Variants in UCMA observed in about 807,000 individuals in gnomAD.
UCMA encodes the protein upper zone of growth plate and cartilage matrix-associated protein.
A neutral mutation model predicts 21.8 loss-of-function variants in UCMA; 21 were observed. That is an observed-to-expected ratio of 0.97 (90% CI 0.68 to 1.39). The LOEUF (loss-of-function observed/expected upper bound fraction) is 1.39. Ranked by LOEUF, UCMA falls within the 40% of genes most tolerant of loss-of-function variation. UCMA has a pLI of 0.00. For synonymous variants in UCMA, 76 were observed against 67.9 expected (o/e 1.12, Z -0.58); for missense variants, 193 against 178.9 (o/e 1.08, Z -0.45).
rs1834766247 is a variant in UCMA, at chr10:13,222,160, G to A, written c.360C>T (p.Arg120=). 6.2e-7 allele frequency: 1 copy of A among 1,613,982 alleles called. No homozygotes were observed. Among genetic ancestry groups the A allele is most frequent in the Admixed American group, 1.7e-5 (1 of 59,998 alleles). ...ERSREAVEQW[R]QWHYDGLHPS... ...GGTGCAGGCCGTCATAGTGCCACTG[G>A]CGCCACTGCTCCACAGCCTCCCGGC... The change falls in exon 5 of 5, where the codon CGC becomes CGT. Residue 120 remains arginine (R), a synonymous_variant. Coordinates refer to ENST00000378681, the MANE Select transcript of UCMA (RefSeq NM_145314.3).
chr10:13,233,669 G>T (rs1235812193), intron 2 of UCMA, 36 bp from the exon 3 acceptor site: 1 of 1,613,608 alleles, frequency 6.2e-7, no homozygotes, highest in Admixed American at 1.7e-5. Flanking sequence ...CAGCAGTGTG[G>T]GGGTGCTGGG....
At chr10:13,229,530 G>T in intron 4 of UCMA, 81 bp downstream of exon 4, 1 of 1,258,030 alleles carries the variant, frequency 7.9e-7, no homozygotes, top group Non-Finnish European at 1.1e-6. Context: ...AAAAAAAGTT[G>T]GGTAGAAGAA....
chr10:13,225,243 G>A (rs933687036), intron 4 of UCMA, among the ~76,000 whole-genome samples: 39 of 152,026 alleles, frequency 2.6e-4, no homozygotes, highest in African/African-American at 8.0e-4. Context: ...ACAAGGTCTC[G>A]TTATGTTGCC....
intron 4 of UCMA, among the ~76,000 whole-genome samples, chr10:13,225,660 C>T (rs139863394): frequency 0.11 from 13,646 of 124,580 alleles, 843 homozygotes; most frequent in Middle Eastern, 0.2. Context: ...GGTGACAGAG[C>T]GAGATTCCAT....
intron 4 of UCMA, 124 bp from the exon 5 acceptor site, chr10:13,222,324 G>A: frequency 3.7e-6 from 3 of 811,944 alleles, no homozygotes; most frequent in Non-Finnish European, 5.9e-6. Flanking sequence ...GTGAGCCCTG[G>A]TGAGAGAAGG....
intron 4 of UCMA, among the ~76,000 whole-genome samples, chr10:13,227,149 C>T (rs958098691): frequency 6.6e-6 from 1 of 152,140 alleles, no homozygotes; most frequent in Non-Finnish European, 1.5e-5. Context: ...AGCCCAGCAC[C>T]TGTTTGCAGG....
Position 13,222,048 on chromosome 10 carries a change from C to T in UCMA, c.*55G>A, listed in dbSNP as rs928122321. The stretch of plus-strand genomic sequence containing the variant: ...TTGCATGGGAAAGATTGCTGGAACA[C>T]GGGGATGCCAATGGTGCTACAAGCT... On this transcript the variant is annotated 3_prime_UTR_variant, in exon 5 of 5. Transcript: ENST00000378681. The T allele has an allele frequency of 9.4e-6, 15 of 1,590,792 alleles. No individual in the cohort carries two copies. Among genetic ancestry groups the T allele is most frequent in the Admixed American group, 1.7e-5 (1 of 59,788 alleles).
At chr10:13,224,060 A>C (rs2131602002) in intron 4 of UCMA, among the ~76,000 whole-genome samples, 1 of 152,316 alleles carries the variant, frequency 6.6e-6, no homozygotes, top group South Asian at 2.1e-4. Flanking sequence ...ATGGTGGCTC[A>C]CACCTGTAAT....
intron 4 of UCMA, among the ~76,000 whole-genome samples, chr10:13,224,556 G>T (rs1834800114): frequency 6.6e-6 from 1 of 152,338 alleles, no homozygotes; most frequent in East Asian, 1.9e-4. Context: ...AAGAATTAAA[G>T]AACCAAGATG....
intron 3 of UCMA, 130 bp from the exon 4 acceptor site, chr10:13,229,839 T>C: frequency 1.5e-6 from 1 of 663,074 alleles, no homozygotes; most frequent in Non-Finnish European, 2.6e-6. Flanking sequence ...GGATTGTGAT[T>C]GGAGACTTCC....
rs1384101759 is a variant in UCMA, at chr10:13,228,691, T to C, written c.319+920A>G. On this transcript the variant is annotated intron_variant, in intron 4 of 4. Transcript: ENST00000378681. The stretch of plus-strand genomic sequence containing the variant: ...TGAATATAAGGCACCTGCGAGTGAG[T>C]GTGGACTCTGTCCAATATGATCCTG... 2.6e-5 allele frequency among the ~76,000 whole-genome samples: 4 copies of C among 152,094 alleles called. No homozygotes were observed. In the East Asian group the frequency reaches 7.8e-4, roughly 30 times the overall value.
chr10:13,223,419 G>A (rs569800965), intron 4 of UCMA, among the ~76,000 whole-genome samples: 24 of 152,166 alleles, frequency 1.6e-4, no homozygotes, highest in Middle Eastern at 6.8e-3. Context: ...GTAAAATTTC[G>A]CCACAAAAAG....
At chr10:13,227,702 A>G (rs1449008162) in intron 4 of UCMA, among the ~76,000 whole-genome samples, 7 of 131,904 alleles carry the variant, frequency 5.3e-5, no homozygotes, top group Non-Finnish European at 7.9e-5. Context: ...GGGTGACAGA[A>G]TGAGACTGTC....
In UCMA at chr10:13,222,977, C is replaced by T. The variant is rs572434919; in HGVS notation, c.320-777G>A. On this transcript the variant is annotated intron_variant, in intron 4 of 4. Coordinates refer to ENST00000378681, the MANE Select transcript of UCMA (RefSeq NM_145314.3). ...GGATGGCTCATGCCTATAATCCCAG[C>T]ACTTTGGGAGGCTGAGGCTGGCAGA... Among the ~76,000 whole-genome samples the T allele has an allele frequency of 4.2e-4, 64 of 151,914 alleles. No homozygotes were observed. In the Middle Eastern group the frequency reaches 0.01, roughly 24 times the overall value.
intron 4 of UCMA, among the ~76,000 whole-genome samples, chr10:13,226,496 T>C (rs894778902): frequency 2.0e-5 from 3 of 152,194 alleles, no homozygotes; most frequent in African/African-American, 4.8e-5. Context: ...TGAAAAATTT[T>C]TTTTCTTTTG....
At chr10:13,232,501 C>T (rs1477125314) in intron 3 of UCMA, among the ~76,000 whole-genome samples, 1 of 152,108 alleles carries the variant, frequency 6.6e-6, no homozygotes, top group Non-Finnish European at 1.5e-5. Context: ...AGCCCCCCTC[C>T]CAACCTTTCA....
In UCMA at chr10:13,233,730, C is replaced by G; in HGVS notation, c.124+5G>C. 1 of 1,614,090 alleles carries G rather than the reference C, an allele frequency of 6.2e-7. No homozygotes were observed. Among genetic ancestry groups the G allele is most frequent in the Non-Finnish European group, 8.5e-7 (1 of 1,180,032 alleles). ...CCCTGCCCCGTGGGTGGCCCCTGCA[C>G]TCACCTTCACTCGCCTCTTCTCCCG... On this transcript the variant is annotated splice_donor_5th_base_variant and intron_variant, in intron 2 of 4. Coordinates refer to ENST00000378681, the MANE Select transcript of UCMA (RefSeq NM_145314.3).
chr10:13,222,280 C>T (rs2281797), intron 4 of UCMA, 80 bp from the exon 5 acceptor site: 1 of 1,338,704 alleles, frequency 7.5e-7, no homozygotes, highest in Non-Finnish European at 1.0e-6. Flanking sequence ...TCAGCCGAAC[C>T]CCTGCCCTGT....
intron 3 of UCMA, among the ~76,000 whole-genome samples, chr10:13,232,006 G>C (rs903943016): frequency 1.3e-5 from 2 of 152,126 alleles, no homozygotes; most frequent in Non-Finnish European, 2.9e-5. Flanking sequence ...ATGACTAATT[G>C]ACACACTGAG....
Sources: gnomAD v4.1 joint callset for allele counts (sites outside exome capture counted in the v4.1 genomes callset) on GRCh38, gnomAD v4.1.1 for gene constraint, MANE v1.5 for transcripts, NCBI Gene and HGNC (gene_info 2026-07-23, HGNC 2026-07-21) for gene names.